Variants in ABCD3 observed in about 807,000 individuals in gnomAD.
ABCD3 encodes ATP binding cassette subfamily D member 3.
Under a neutral mutation model 105.5 loss-of-function variants are expected in ABCD3, and 41 were observed. The observed-to-expected ratio is 0.39, with a 90% CI of 0.30 to 0.50. The LOEUF (loss-of-function observed/expected upper bound fraction) is 0.50, where lower values mean the gene tolerates loss of function less well. ABCD3 is among the 20% of genes least tolerant of loss of function. ABCD3 has a pLI of 0.84. For missense variants in ABCD3, 622 were observed against 806.3 expected (o/e 0.77, Z 2.77); for synonymous variants, 258 against 269.0 (o/e 0.96, Z 0.40).
At position 94,517,035 on chromosome 1, in the gene ABCD3, C is replaced by G. The variant is rs1650950985; in HGVS notation, c.1903-17C>G. The G allele has an allele frequency of 6.3e-7, 1 of 1,580,978 alleles. No individual in the cohort carries two copies. The highest frequency in any genetic ancestry group is 8.7e-7 in the Non-Finnish European group (1 of 1,150,928). On this transcript the variant is annotated splice_polypyrimidine_tract_variant and intron_variant, in intron 22 of 22. Transcript: ENST00000370214. ...CACTCTTAGTTACTGACTTTTTTTC[C>G]CCCTTCTTTCCCATAGTACTACCTG...
At chr1:94,415,403 A>G (rs1394786292), upstream of ABCD3, among the ~76,000 whole-genome samples, 2 of 152,150 alleles carry the variant, frequency 1.3e-5, no homozygotes, top group Non-Finnish European at 2.9e-5. Flanking sequence ...TCTCCCCCAT[A>G]AAATCACATT....
At chr1:94,429,237 T>C (rs1236969217) in intron 1 of ABCD3, among the ~76,000 whole-genome samples, 1 of 152,194 alleles carries the variant, frequency 6.6e-6, no homozygotes, top group Non-Finnish European at 1.5e-5. Flanking sequence ...GCTTGGGTGC[T>C]GTTAAAGGCA....
At chr1:94,478,435 G>C (rs1648870924) in intron 8 of ABCD3, 120 bp downstream of exon 8, 1 of 1,162,702 alleles carries the variant, frequency 8.6e-7, no homozygotes, top group Non-Finnish European at 1.3e-6. Context: ...ATTTTCACAT[G>C]ATTTACCTAA....
chr1:94,456,319 G>A (rs373496092), intron 1 of ABCD3, among the ~76,000 whole-genome samples: 4 of 127,868 alleles, frequency 3.1e-5, no homozygotes, highest in African/African-American at 1.2e-4. Context: ...CTGTCGCCCA[G>A]GCTGGAGTGC....
upstream of ABCD3, among the ~76,000 whole-genome samples, chr1:94,415,402 T>TA (rs761971165): frequency 1.5e-4 from 23 of 152,326 alleles, no homozygotes; most frequent in Admixed American, 2.6e-4. Flanking sequence ...ATCTCCCCCA[T>TA]AAAATCACAT....
intron 13 of ABCD3, 106 bp from the exon 14 acceptor site, chr1:94,489,619 C>T (rs1448001656): frequency 2.5e-6 from 2 of 806,798 alleles, no homozygotes; most frequent in Non-Finnish European, 4.2e-6. Flanking sequence ...TGTTAGGTTA[C>T]TTCATTTATA....
At chr1:94,438,345 A>AC (rs1553168372) in intron 1 of ABCD3, among the ~76,000 whole-genome samples, 22 of 108,966 alleles carry the variant, frequency 2.0e-4, no homozygotes, top group South Asian at 1.2e-3. Context: ...CACACACACA[A>AC]ACTTGAAAGG....
In ABCD3 at chr1:94,483,190, A is replaced by G; in HGVS notation, c.848A>G (p.Asn283Ser). 1 of 1,611,426 alleles carries G rather than the reference A, an allele frequency of 6.2e-7. No homozygotes were observed. Among genetic ancestry groups the G allele is most frequent in the Non-Finnish European group, 8.5e-7 (1 of 1,177,686 alleles). Residue 283 changes from asparagine (N) to serine (S), a missense_variant, in exon 10 of 23, where the codon AAT (asparagine) becomes AGT (serine). Physicochemically the swap from Asn to Ser is conservative, Grantham distance 46. Transcript: ENST00000370214. ...ITNSEEIAFY[N>S]GNKREKQTVH... The stretch of plus-strand genomic sequence containing the variant: ...AATAGTGAAGAAATTGCCTTTTACA[A>G]TGGGAATAAAAGAGAAAAGCAGACA...
intron 16 of ABCD3, among the ~76,000 whole-genome samples, chr1:94,495,354 A>G (rs1557686599): frequency 1.3e-5 from 2 of 152,198 alleles, no homozygotes; most frequent in Non-Finnish European, 2.9e-5. Context: ...GAGAGCCCCA[A>G]TAATACAATG....
chr1:94,488,079 C>T, intron 13 of ABCD3, 96 bp downstream of exon 13: 1 of 1,001,956 alleles, frequency 1.0e-6, no homozygotes, highest in Non-Finnish European at 1.5e-6. Context: ...AAGGGGTCAA[C>T]ATTTCCTAGC....
the ABCD3 span, among the ~76,000 whole-genome samples, chr1:94,398,229 T>A: frequency 6.6e-6 from 1 of 152,214 alleles, no homozygotes; most frequent in African/African-American, 2.4e-5. Context: ...TACTGCTATC[T>A]TTGACCCTAT....
At chr1:94,403,689 T>A in the ABCD3 span, among the ~76,000 whole-genome samples, 3 of 152,344 alleles carry the variant, frequency 2.0e-5, no homozygotes, top group African/African-American at 7.2e-5. Flanking sequence ...TATTTTGGTG[T>A]ACAAATTATC....
intron 22 of ABCD3, among the ~76,000 whole-genome samples, chr1:94,516,237 A>G (rs1226804461): frequency 5.3e-5 from 8 of 151,936 alleles, no homozygotes; most frequent in East Asian, 1.9e-4. Flanking sequence ...TTACCTTCCT[A>G]TCTCTTAGAT....
chr1:94,413,050 C>T, the ABCD3 span, among the ~76,000 whole-genome samples: 1 of 150,470 alleles, frequency 6.6e-6, no homozygotes, highest in Non-Finnish European at 1.5e-5. Flanking sequence ...TTTTTAATCA[C>T]AAAAAAAATG....
rs1649383027 is a variant in ABCD3 at position 94,488,652 on chromosome 1, G to A, written c.1157+669G>A. Among the ~76,000 whole-genome samples the A allele has an allele frequency of 2.0e-5, 3 of 151,842 alleles. No homozygotes were observed. The South Asian group carries it at 6.2e-4, about 32-fold the overall frequency. ...ATATTTCTCTTTTTCCTCCTTCTTA[G>A]CTCCTGTGGCAGTTATGGTCTTCAT... On this transcript the variant is annotated intron_variant, in intron 13 of 22. Transcript: ENST00000370214.
intron 1 of ABCD3, among the ~76,000 whole-genome samples, chr1:94,443,066 A>G (rs528637723): frequency 6.6e-6 from 1 of 152,304 alleles, no homozygotes; most frequent in Non-Finnish European, 1.5e-5. Flanking sequence ...AGATGGTAAT[A>G]ATTTATATTC....
the ABCD3 span, among the ~76,000 whole-genome samples, chr1:94,405,015 C>T: frequency 4.2e-3 from 632 of 150,862 alleles, 5 homozygotes; most frequent in African/African-American, 0.015. Context: ...GCATAGAACT[C>T]ATTATGTGTA....
chr1:94,493,250 GAAA>G (rs1322570461), intron 16 of ABCD3, among the ~76,000 whole-genome samples: 5 of 151,534 alleles, frequency 3.3e-5, no homozygotes, highest in Non-Finnish European at 7.4e-5. Flanking sequence ...AAATTTACAA[GAAA>G]AAAACAACCC....
intron 1 of ABCD3, among the ~76,000 whole-genome samples, chr1:94,456,317 C>A (rs1647563173): frequency 1.7e-5 from 2 of 118,338 alleles, no homozygotes; most frequent in Non-Finnish European, 3.2e-5. Context: ...CTCTGTCGCC[C>A]AGGCTGGAGT....
Sources: gnomAD v4.1 joint callset for allele counts (sites outside exome capture counted in the v4.1 genomes callset) on GRCh38, gnomAD v4.1.1 for gene constraint, MANE v1.5 for transcripts, NCBI Gene and HGNC (gene_info 2026-07-23, HGNC 2026-07-21) for gene names.